The following GRID2 variants were observed in gnomAD, a reference collection of about 807,000 sequenced individuals.
The protein encoded by GRID2 is glutamate receptor ionotropic, delta-2.
GRID2 carries 33 observed loss-of-function variants against 114.8 expected under a neutral mutation model. That is an observed-to-expected ratio of 0.29 (90% confidence interval 0.22 to 0.38). The LOEUF (loss-of-function observed/expected upper bound fraction) is 0.38, where lower values mean the gene tolerates loss of function less well. Ranked by LOEUF, GRID2 falls within the 10% of genes least tolerant of loss-of-function variation. GRID2 has a pLI of 1.00. For synonymous variants in GRID2, 505 were observed against 449.9 expected (o/e 1.12, Z -1.55); for missense variants, 1,184 against 1,257.7 (o/e 0.94, Z 0.89).
intron 1 of GRID2, among the ~76,000 whole-genome samples, chr4:93,797,040 T>C (rs1161794207): frequency 6.6e-6 from 1 of 152,224 alleles, no homozygotes; most frequent in East Asian, 1.9e-4. Context: ...GTATAGCCGA[T>C]TGCTCTAGGC....
chr4:92,939,919 G>T (rs545476570), intron 2 of GRID2, among the ~76,000 whole-genome samples: 5 of 146,754 alleles, frequency 3.4e-5, no homozygotes, highest in African/African-American at 1.2e-4. Flanking sequence ...TGTTCCATTG[G>T]TGTATATCTC....
At chr4:92,495,314 C>T (rs1723333829) in intron 1 of GRID2, among the ~76,000 whole-genome samples, 1 of 151,964 alleles carries the variant, frequency 6.6e-6, no homozygotes, top group Non-Finnish European at 1.5e-5. Context: ...TTCCTAGAAT[C>T]TAGGGCTAGT....
chr4:92,612,726 G>A (rs1042566781), intron 2 of GRID2, among the ~76,000 whole-genome samples: 2 of 151,250 alleles, frequency 1.3e-5, no homozygotes, highest in Non-Finnish European at 3.0e-5. Context: ...ATCATTTCTT[G>A]TAGTTATATT....
At chr4:93,405,051 C>T (rs960604591) in intron 9 of GRID2, among the ~76,000 whole-genome samples, 3 of 151,990 alleles carry the variant, frequency 2.0e-5, no homozygotes, top group African/African-American at 7.2e-5. Flanking sequence ...TTAAAAATAA[C>T]ATTGCTACAA....
chr4:92,549,909 T>G (rs924868455), intron 1 of GRID2, among the ~76,000 whole-genome samples: 4 of 152,160 alleles, frequency 2.6e-5, no homozygotes, highest in African/African-American at 9.7e-5. Flanking sequence ...GGTATGCTAT[T>G]CCATAGCTCT....
intron 1 of GRID2, among the ~76,000 whole-genome samples, chr4:92,523,430 GA>G (rs1331816481): frequency 1.3e-5 from 2 of 151,908 alleles, no homozygotes; most frequent in Non-Finnish European, 2.9e-5. Context: ...TTTTAAAGTT[GA>G]AACCATGAGA....
chr4:93,457,930 A>G (rs541292054), intron 11 of GRID2, among the ~76,000 whole-genome samples: 2 of 149,666 alleles, frequency 1.3e-5, no homozygotes, highest in African/African-American at 4.8e-5. Flanking sequence ...GTGGTTTGAT[A>G]TATTTGTCAG....
chr4:93,518,067 A>T (rs1729978631), intron 13 of GRID2, among the ~76,000 whole-genome samples: 1 of 121,510 alleles, frequency 8.2e-6, no homozygotes, highest in Non-Finnish European at 1.6e-5. Flanking sequence ...TGTATATAGT[A>T]TATACATATA....
chr4:92,553,853 C>T (rs184162631), intron 1 of GRID2, among the ~76,000 whole-genome samples: 2 of 152,034 alleles, frequency 1.3e-5, no homozygotes, highest in Non-Finnish European at 2.9e-5. Flanking sequence ...GCTTTTGCCA[C>T]GTTAGCCAGA....
chr4:92,348,724 A>T (rs759366487), intron 1 of GRID2, among the ~76,000 whole-genome samples: 1 of 152,152 alleles, frequency 6.6e-6, no homozygotes, highest in Admixed American at 6.6e-5. Flanking sequence ...AGGTATTAAG[A>T]CATAGTTTAT....
chr4:93,030,118 T>C (rs1461151409), intron 2 of GRID2, among the ~76,000 whole-genome samples: 1 of 152,232 alleles, frequency 6.6e-6, no homozygotes. Context: ...TCCTTTTTTC[T>C]GACACCCATT....
chr4:93,171,722 T>C (rs1579186270), intron 4 of GRID2, among the ~76,000 whole-genome samples: 1 of 152,150 alleles, frequency 6.6e-6, no homozygotes, highest in Non-Finnish European at 1.5e-5. Flanking sequence ...TACTCTCATA[T>C]AGGCATATAT....
intron 13 of GRID2, among the ~76,000 whole-genome samples, chr4:93,534,085 C>G (rs925092876): frequency 1.3e-5 from 2 of 151,986 alleles, no homozygotes; most frequent in Non-Finnish European, 2.9e-5. Context: ...CCCTAGGTAG[C>G]TTCGTGACCT....
chr4:93,163,380 A>G lies in GRID2; in HGVS notation c.736-44024A>G, dbSNP rs1312087187. Among the ~76,000 whole-genome samples, 24 of 43,008 alleles carry G rather than the reference A, an allele frequency of 5.6e-4. No homozygotes were observed. The Admixed American group carries it at 8.7e-3, about 16-fold the overall frequency. 28.2% of individuals were successfully genotyped at this position (43,008 alleles called of 152,430 possible). On this transcript the variant is annotated intron_variant, in intron 4 of 15. Coordinates refer to ENST00000282020, the MANE Select transcript of GRID2 (RefSeq NM_001510.4). ...TGTATATATATATATATATATATATATATATATATATATATATATACACTA... is the reference window on the plus strand; with the variant it reads ...TGTATATATATATATATATATATATGTATATATATATATATATATACACTA...
chr4:92,819,766 AT>A (rs922365256), intron 2 of GRID2, among the ~76,000 whole-genome samples: 5 of 151,932 alleles, frequency 3.3e-5, no homozygotes, highest in South Asian at 2.1e-4. Flanking sequence ...TGCTTAAAAT[AT>A]TTTTTTTCTT....
intron 13 of GRID2, among the ~76,000 whole-genome samples, chr4:93,613,874 A>G (rs1741271692): frequency 6.6e-6 from 1 of 151,560 alleles, no homozygotes; most frequent in South Asian, 2.1e-4. Flanking sequence ...TGTTTACCTA[A>G]GCAAGCCTGG....
At chr4:93,699,777 G>C (rs1051034591) in intron 14 of GRID2, among the ~76,000 whole-genome samples, 1 of 152,072 alleles carries the variant, frequency 6.6e-6, no homozygotes, top group African/African-American at 2.4e-5. Flanking sequence ...CTTTAAAATT[G>C]GTTATAAGTT....
At chr4:93,249,879 G>C (rs1297465504) in intron 8 of GRID2, among the ~76,000 whole-genome samples, 2 of 152,104 alleles carry the variant, frequency 1.3e-5, no homozygotes, top group Admixed American at 6.6e-5. Context: ...AAATAGGAAT[G>C]CTTTTACACT....
intron 7 of GRID2, among the ~76,000 whole-genome samples, chr4:93,228,042 C>A (rs1258626922): frequency 6.6e-6 from 1 of 152,178 alleles, no homozygotes; most frequent in East Asian, 1.9e-4. Flanking sequence ...CCTTCAAATT[C>A]TTCAAGCCTC....
Sources: allele counts gnomAD v4.1 joint callset (sites outside exome capture counted in the v4.1 genomes callset), GRCh38; gene constraint gnomAD v4.1.1; transcripts MANE v1.5; gene names NCBI Gene and HGNC (gene_info 2026-07-23, HGNC 2026-07-21).